Variants in SLAMF6 observed in about 807,000 individuals in gnomAD.
SLAMF6 encodes SLAM family member 6.
Under a neutral mutation model 38.3 loss-of-function variants are expected in SLAMF6, and 21 were observed. The observed-to-expected ratio is 0.55, with a 90% confidence interval of 0.39 to 0.79. The LOEUF (loss-of-function observed/expected upper bound fraction) is 0.79, where lower values mean the gene tolerates loss of function less well. Ranked by LOEUF, SLAMF6 falls within the 30% of genes least tolerant of loss-of-function variation. SLAMF6 has a pLI of 0.00. For synonymous variants in SLAMF6, 152 were observed against 146.3 expected (o/e 1.04, Z -0.28); for missense variants, 341 against 385.3 (o/e 0.89, Z 0.96).
At chr1:160,508,910 T>C (rs1394707519) in intron 1 of SLAMF6, among the ~76,000 whole-genome samples, 2 of 152,176 alleles carry the variant, frequency 1.3e-5, no homozygotes, top group Non-Finnish European at 2.9e-5. Context: ...AAAATGCTCA[T>C]CATCACTGGT....
In SLAMF6 at chr1:160,506,032, A is replaced by T. The variant is rs189759198; in HGVS notation, c.50-9639T>A. Among the ~76,000 whole-genome samples the T allele has an allele frequency of 4.6e-3, 690 of 150,934 alleles. 5 individuals are homozygous for T. Among genetic ancestry groups the T allele is most frequent in the African/African-American group, 0.016 (667 of 40,528 alleles). On this transcript the variant is annotated intron_variant, in intron 1 of 7. Coordinates refer to ENST00000368057, the MANE Select transcript of SLAMF6 (RefSeq NM_001184714.2). ...AGAGATTTGTGGGACACCATCAAAA[A>T]TACCAAAAAATAAGCATAATAGGAG...
At chr1:160,507,095 T>C (rs948173570) in intron 1 of SLAMF6, among the ~76,000 whole-genome samples, 2 of 152,098 alleles carry the variant, frequency 1.3e-5, no homozygotes, top group African/African-American at 4.8e-5. Flanking sequence ...AATGCAGAGA[T>C]AGGCAGAATG....
At chr1:160,508,064 A>G (rs12021693) in intron 1 of SLAMF6, among the ~76,000 whole-genome samples, 1,909 of 152,196 alleles carry the variant, frequency 0.013, 56 homozygotes, top group East Asian at 0.11. Context: ...AATCAATATC[A>G]TGAAAATGGC....
chr1:160,518,571 C>T (rs1372009561), intron 1 of SLAMF6, among the ~76,000 whole-genome samples: 1 of 152,086 alleles, frequency 6.6e-6, no homozygotes, highest in African/African-American at 2.4e-5. Flanking sequence ...TACGTATACA[C>T]CACGGAATAC....
Position 160,523,151 on chromosome 1 carries a change from A to C in SLAMF6, c.42T>G (p.Phe14Leu). 3 of 1,613,872 alleles carry C rather than the reference A, an allele frequency of 1.9e-6. No homozygotes were observed. The highest frequency in any genetic ancestry group is 2.5e-6 in the Non-Finnish European group (3 of 1,179,876). The change falls in exon 1 of 8, where the codon TTT becomes TTG. Residue 14 changes from phenylalanine to leucine, a missense_variant. Coordinates refer to ENST00000368057, the MANE Select transcript of SLAMF6 (RefSeq NM_001184714.2). ...LFQSLLFVFC[F>L]GPGNVVSQSS... is the part of the protein sequence containing the mutation. Reference sequence around the variant, plus strand: ...ATCTGGATTGACATTTACCTGGGCCAAAGCAGAAGACAAACAGGAGCGATT... The same window carrying C: ...ATCTGGATTGACATTTACCTGGGCCCAAGCAGAAGACAAACAGGAGCGATT...
chr1:160,519,441 C>G (rs1377219027), intron 1 of SLAMF6, among the ~76,000 whole-genome samples: 1 of 152,146 alleles, frequency 6.6e-6, no homozygotes, highest in Non-Finnish European at 1.5e-5. Flanking sequence ...ATTATATGAT[C>G]TGACAAATCC....
chr1:160,517,545 T>A (rs1418014970), intron 1 of SLAMF6, among the ~76,000 whole-genome samples: 1 of 152,134 alleles, frequency 6.6e-6, no homozygotes, highest in African/African-American at 2.4e-5. Flanking sequence ...TACAAAGATA[T>A]ATGCATGCAT....
chr1:160,492,354 T>A (rs1653349069), intron 2 of SLAMF6, among the ~76,000 whole-genome samples: 1 of 152,192 alleles, frequency 6.6e-6, no homozygotes, highest in South Asian at 2.1e-4. Flanking sequence ...TATTCATGTA[T>A]GGGAAAAGTG....
chr1:160,500,643 C>T lies in SLAMF6; in HGVS notation c.50-4250G>A, dbSNP rs115690266. Among the ~76,000 whole-genome samples the T allele has an allele frequency of 2.4e-3, 367 of 152,204 alleles. 1 individual carries two copies. Among genetic ancestry groups the T allele is most frequent in the African/African-American group, 8.6e-3 (356 of 41,530 alleles). ...AAATATTTGTTTTTGTTTATTTTCTCACCTCTCCACTAGAATGTAATCTCC... is the reference window on the plus strand; with the variant it reads ...AAATATTTGTTTTTGTTTATTTTCTTACCTCTCCACTAGAATGTAATCTCC... On this transcript the variant is annotated intron_variant, in intron 1 of 7. Coordinates refer to ENST00000368057, the MANE Select transcript of SLAMF6 (RefSeq NM_001184714.2).
At chr1:160,512,615 A>G (rs529893217) in intron 1 of SLAMF6, among the ~76,000 whole-genome samples, 251 of 152,304 alleles carry the variant, frequency 1.6e-3, no homozygotes, top group African/African-American at 5.6e-3. Context: ...CACTGTCATC[A>G]GTTTGGTGCC....
chr1:160,505,556 C>T (rs1314667036), intron 1 of SLAMF6, among the ~76,000 whole-genome samples: 1 of 152,162 alleles, frequency 6.6e-6, no homozygotes, highest in Non-Finnish European at 1.5e-5. Context: ...CACATGCCAC[C>T]ATCCCTGGCT....
At chr1:160,489,041 T>C (rs1163156477) in intron 6 of SLAMF6, 47 bp downstream of exon 6, 10 of 1,517,674 alleles carry the variant, frequency 6.6e-6, no homozygotes, top group Admixed American at 3.3e-5. Flanking sequence ...TTGTGAACAA[T>C]GGCTGTAAAA....
chr1:160,506,343 C>T (rs111429324), intron 1 of SLAMF6, among the ~76,000 whole-genome samples: 1,871 of 152,148 alleles, frequency 0.012, 14 homozygotes, highest in Middle Eastern at 0.031. Flanking sequence ...TCCATGATTG[C>T]CAGGAGGCAG....
chr1:160,522,085 A>C (rs12062516), intron 1 of SLAMF6, among the ~76,000 whole-genome samples: 2,379 of 152,220 alleles, frequency 0.016, 72 homozygotes, highest in African/African-American at 0.054. Flanking sequence ...TACTCTACTT[A>C]ACTCCATATT....
In SLAMF6 at chr1:160,496,294, A is replaced by T; in HGVS notation, c.149T>A (p.Val50Asp). The change falls in exon 2 of 8, where the codon GTC (valine) becomes GAC (aspartate). Residue 50 changes from valine to aspartate, a missense_variant. By Grantham distance (152) the Val-to-Asp change is radical. Transcript: ENST00000368057. ...LPLEFPAGEK[V>D]NFITWLFNET... is the part of the protein sequence containing the mutation. ...ATTGAAAAGCCAAGTGATGAAGTTG[A>T]CCTTCTCTCCTGCAGGAAACTCCAG... The T allele has an allele frequency of 6.2e-7, 1 of 1,613,942 alleles. No homozygotes were observed. Among genetic ancestry groups the T allele is most frequent in the Non-Finnish European group, 8.5e-7 (1 of 1,179,910 alleles).
At chr1:160,506,163 A>G (rs1654176589) in intron 1 of SLAMF6, among the ~76,000 whole-genome samples, 1 of 152,202 alleles carries the variant, frequency 6.6e-6, no homozygotes, top group African/African-American at 2.4e-5. Context: ...TACATCCAAG[A>G]AAGTCAATGA....
At chr1:160,521,054 C>A (rs1323532853) in intron 1 of SLAMF6, among the ~76,000 whole-genome samples, 2 of 152,096 alleles carry the variant, frequency 1.3e-5, no homozygotes, top group African/African-American at 4.8e-5. Context: ...TATGAAGGTG[C>A]CCTGCTTATT....
intron 1 of SLAMF6, among the ~76,000 whole-genome samples, chr1:160,501,163 A>G (rs1653869077): frequency 6.6e-6 from 1 of 152,198 alleles, no homozygotes; most frequent in Admixed American, 6.5e-5. Context: ...TTCAATTAGT[A>G]AAACCTTAGG....
chr1:160,490,991 C>T, intron 3 of SLAMF6, 134 bp downstream of exon 3: 1 of 1,142,410 alleles, frequency 8.8e-7, no homozygotes, highest in East Asian at 2.4e-5. Flanking sequence ...TGCAGAGCTC[C>T]AGAGGGCATC....
Sources: allele counts gnomAD v4.1 joint callset (sites outside exome capture counted in the v4.1 genomes callset), GRCh38; gene constraint gnomAD v4.1.1; transcripts MANE v1.5; gene names NCBI Gene and HGNC (gene_info 2026-07-23, HGNC 2026-07-21).